Variants in COL24A1 observed in about 807,000 individuals in gnomAD.
COL24A1 encodes collagen type XXIV alpha 1 chain.
Under a neutral mutation model 253.9 loss-of-function variants are expected in COL24A1, and 224 were observed. The ratio of observed to expected loss-of-function variants is 0.88; its 90% CI spans 0.79 to 0.99. The LOEUF is 0.99. Among genes scored for constraint, COL24A1 ranks in the 50% least tolerant of loss-of-function variants. The pLI, the probability that COL24A1 is intolerant of heterozygous loss-of-function variation, is 0.00. For missense variants in COL24A1, 2,131 were observed against 2,068.5 expected (o/e 1.03, Z -0.59); for synonymous variants, 685 against 673.7 (o/e 1.02, Z -0.26).
At chr1:86,132,422 A>G (rs1312906490) in intron 2 of COL24A1, among the ~76,000 whole-genome samples, 2 of 152,074 alleles carry the variant, frequency 1.3e-5, no homozygotes, top group Non-Finnish European at 2.9e-5. Context: ...TTGGTGTTTT[A>G]GACATGAAGT....
chr1:86,094,997 T>C (rs897153633), intron 5 of COL24A1, among the ~76,000 whole-genome samples: 1 of 152,152 alleles, frequency 6.6e-6, no homozygotes, highest in Admixed American at 6.5e-5. Flanking sequence ...TTGGTTTTAA[T>C]ATATTTTAAT....
chr1:85,810,727 T>C (rs985310304), intron 47 of COL24A1, among the ~76,000 whole-genome samples: 2 of 152,160 alleles, frequency 1.3e-5, no homozygotes, highest in Non-Finnish European at 1.5e-5. Flanking sequence ...TCTTGCTTGT[T>C]ACTGCTTTCA....
chr1:85,813,760 C>T lies in COL24A1; in HGVS notation c.3951+3028G>A, dbSNP rs560272347. Among the ~76,000 whole-genome samples the T allele has an allele frequency of 1.2e-3, 180 of 151,604 alleles. 1 individual carries two copies. In the Middle Eastern group the frequency reaches 0.034, roughly 29 times the overall value. ...TAGAGACGGGGTTTCACCGTTTTAG[C>T]CGGGATGGTCTCGATCTCCTGACCT... On this transcript the variant is annotated intron_variant, in intron 47 of 59. Transcript: ENST00000370571.
chr1:86,120,619 G>A (rs1462713245), intron 3 of COL24A1, among the ~76,000 whole-genome samples: 9 of 152,076 alleles, frequency 5.9e-5, no homozygotes, highest in Non-Finnish European at 8.8e-5. Flanking sequence ...TTAGAATGGC[G>A]ATCATTAAAA....
At chr1:86,148,484 T>A (rs1299550335) in intron 1 of COL24A1, among the ~76,000 whole-genome samples, 2 of 152,130 alleles carry the variant, frequency 1.3e-5, no homozygotes, top group Non-Finnish European at 2.9e-5. Context: ...TATCTCCCAA[T>A]GCTATCCCTC....
chr1:86,035,946 A>G (rs1348064848), intron 12 of COL24A1, among the ~76,000 whole-genome samples: 1 of 152,068 alleles, frequency 6.6e-6, no homozygotes, highest in Non-Finnish European at 1.5e-5. Context: ...GAAAGAGAAG[A>G]GGGGAAAGAA....
chr1:86,040,574 T>C (rs1273851257), intron 12 of COL24A1, among the ~76,000 whole-genome samples: 1 of 150,722 alleles, frequency 6.6e-6, no homozygotes, highest in Non-Finnish European at 1.5e-5. Flanking sequence ...ATCAATTATG[T>C]TCTGCCTGGA....
chr1:86,058,169 C>G (rs1480139923), intron 9 of COL24A1, among the ~76,000 whole-genome samples, 194 bp from the exon 10 acceptor site: 1 of 151,966 alleles, frequency 6.6e-6, no homozygotes, highest in African/African-American at 2.4e-5. Context: ...TGGAAATAAT[C>G]TATACACAAT....
intron 24 of COL24A1, among the ~76,000 whole-genome samples, chr1:85,950,213 A>G (rs564275344): frequency 1.4e-4 from 22 of 152,294 alleles, no homozygotes; most frequent in Admixed American, 1.4e-3. Flanking sequence ...TTTTTTAACT[A>G]TTTATCTGTA....
intron 47 of COL24A1, among the ~76,000 whole-genome samples, chr1:85,795,005 A>C (rs547461120): frequency 6.6e-6 from 1 of 152,296 alleles, no homozygotes; most frequent in African/African-American, 2.4e-5. Context: ...TAAAGAAACA[A>C]GTACTTCGAT....
chr1:86,026,336 C>A (rs1438144332), intron 14 of COL24A1, among the ~76,000 whole-genome samples: 1 of 152,118 alleles, frequency 6.6e-6, no homozygotes, highest in Non-Finnish European at 1.5e-5. Context: ...TGTGTCCCCA[C>A]CCAAAATTTC....
chr1:86,087,257 G>A (rs1703126494), intron 7 of COL24A1, among the ~76,000 whole-genome samples: 1 of 152,002 alleles, frequency 6.6e-6, no homozygotes, highest in African/African-American at 2.4e-5. Context: ...GCTGTTATAT[G>A]ACTTTACTAG....
rs552966862 is a variant in COL24A1, at chr1:85,872,107, G to T, written c.3138+2542C>A. ...CTCCCATTCACAATTGCTTCAAAGA[G>T]AATAAAATACCTAGGAATCCAGCTT... On this transcript the variant is annotated intron_variant, in intron 35 of 59. Transcript: ENST00000370571. Among the ~76,000 whole-genome samples, 33 of 152,246 alleles carry T rather than the reference G, an allele frequency of 2.2e-4. 1 individual carries two copies. In the South Asian group the frequency reaches 6.4e-3, roughly 30 times the overall value.
In COL24A1 at chr1:85,911,441, G is replaced by GA. The variant is rs559188624; in HGVS notation, c.2563-9dup. ...AGGTAAGCCAACAGGTCCCTTTTAG[G>GA]AAAAAAAAATAACAGAAAATACACA... is the stretch of plus-strand genomic sequence containing the variant. On this transcript the variant is annotated splice_polypyrimidine_tract_variant and intron_variant, in intron 24 of 59. Transcript: ENST00000370571. 917 of 1,579,580 alleles carry GA rather than the reference G, an allele frequency of 5.8e-4. No homozygotes were observed. Among genetic ancestry groups the GA allele is most frequent in the African/African-American group, 6.5e-4 (48 of 73,354 alleles).
rs976903936 is a variant in COL24A1 at position 85,974,931 on chromosome 1, T to C, written c.2365-3538A>G. On this transcript the variant is annotated intron_variant, in intron 20 of 59. Coordinates refer to ENST00000370571, the MANE Select transcript of COL24A1 (RefSeq NM_152890.7). ...TACATAGAATATAACAGGAACTTAA[T>C]AAATATCAGTTTCCTTTCTCCTTTT... 3.9e-5 allele frequency among the ~76,000 whole-genome samples: 6 copies of C among 152,254 alleles called. No individual in the cohort carries two copies. In the East Asian group the frequency reaches 5.8e-4, roughly 15 times the overall value.
intron 24 of COL24A1, among the ~76,000 whole-genome samples, chr1:85,954,095 A>T (rs1052346583): frequency 6.6e-6 from 1 of 152,124 alleles, no homozygotes; most frequent in Admixed American, 6.5e-5. Flanking sequence ...GCAATCTGAA[A>T]AATTTTATTA....
chr1:85,793,507 C>T (rs779508221), intron 47 of COL24A1, among the ~76,000 whole-genome samples: 5 of 151,650 alleles, frequency 3.3e-5, no homozygotes, highest in Non-Finnish European at 7.4e-5. Flanking sequence ...AGAGAGAGAG[C>T]GAGAGCGAGA....
In COL24A1 at chr1:85,954,151, G is replaced by A. The variant is rs1158792692; in HGVS notation, c.2562+7098C>T. Reference sequence around the variant, plus strand: ...TGTTTATTACTCTTTAATATGGCACGTATAATAACTAGCTTGTTTTCTACA... The same window carrying A: ...TGTTTATTACTCTTTAATATGGCACATATAATAACTAGCTTGTTTTCTACA... On this transcript the variant is annotated intron_variant, in intron 24 of 59. Transcript: ENST00000370571. Among the ~76,000 whole-genome samples the A allele has an allele frequency of 3.3e-5, 5 of 152,002 alleles. No individual in the cohort carries two copies. In the East Asian group the frequency reaches 5.8e-4, roughly 18 times the overall value.
At chr1:85,757,471 C>G (rs1367708748) in intron 55 of COL24A1, among the ~76,000 whole-genome samples, 2 of 152,056 alleles carry the variant, frequency 1.3e-5, no homozygotes, top group Non-Finnish European at 2.9e-5. Context: ...AATACAATGA[C>G]TATTAGTAGA....
Sources: gnomAD v4.1 joint callset for allele counts (sites outside exome capture counted in the v4.1 genomes callset) on GRCh38, gnomAD v4.1.1 for gene constraint, MANE v1.5 for transcripts, NCBI Gene and HGNC (gene_info 2026-07-23, HGNC 2026-07-21) for gene names.